The following SUN1 variants were observed in gnomAD, a reference collection of about 807,000 sequenced individuals.
SUN1 encodes Sad1 and UNC84 domain containing 1.
A neutral mutation model predicts 103.2 loss-of-function variants in SUN1; 61 were observed. The observed-to-expected ratio is 0.59, with a 90% confidence interval of 0.48 to 0.73. The LOEUF (loss-of-function observed/expected upper bound fraction) is 0.73, where lower values mean the gene tolerates loss of function less well. Among genes scored for constraint, SUN1 ranks in the 30% least tolerant of loss-of-function variants. The pLI, the probability that SUN1 is intolerant of heterozygous loss-of-function variation, is 0.00. For synonymous variants in SUN1, 490 were observed against 425.7 expected (o/e 1.15, Z -1.86); for missense variants, 1,052 against 1,034.6 (o/e 1.02, Z -0.23).
At chr7:863,110 C>G (rs1833516679) in intron 15 of SUN1, among the ~76,000 whole-genome samples, 1 of 152,124 alleles carries the variant, frequency 6.6e-6, no homozygotes, top group Non-Finnish European at 1.5e-5. Context: ...CCACTGCACT[C>G]CAGCCTGGGT....
chr7:817,330 C>A (rs1781653625), intron 1 of SUN1: 4 of 1,225,886 alleles, frequency 3.3e-6, no homozygotes, highest in Non-Finnish European at 3.5e-6. Context: ...CTCAAGCGAT[C>A]CCCTCGCCCC....
chr7:855,026 C>T lies in SUN1; in HGVS notation c.1350+20C>T, dbSNP rs748866752. 28 of 1,573,558 alleles carry T rather than the reference C, an allele frequency of 1.8e-5. No individual in the cohort carries two copies. Among genetic ancestry groups the T allele is most frequent in the East Asian group, 6.7e-5 (3 of 44,632 alleles). On this transcript the variant is annotated intron_variant, in intron 11 of 18. Transcript: ENST00000401592. Reference sequence around the variant, plus strand: ...TCTGAGGTATTTATTTTTGACCTTACGCTTTTTTAAAATAAAAAGAAAATC... The same window carrying T: ...TCTGAGGTATTTATTTTTGACCTTATGCTTTTTTAAAATAAAAAGAAAATC...
At chr7:846,959 G>A (rs1169414781) in intron 5 of SUN1, among the ~76,000 whole-genome samples, 1 of 152,212 alleles carries the variant, frequency 6.6e-6, no homozygotes, top group Non-Finnish European at 1.5e-5. Flanking sequence ...GCTGCAGTGA[G>A]CTATGATCAT....
intron 1 of SUN1, among the ~76,000 whole-genome samples, chr7:826,831 GGAGATCC>G (rs1792540051): frequency 6.6e-6 from 1 of 152,178 alleles, no homozygotes; most frequent in Non-Finnish European, 1.5e-5. Context: ...TGCCTTTGCA[GGAGATCC>G]CATTGTTCAT....
chr7:842,595 C>T (rs116702414), intron 3 of SUN1: 78 of 190,896 alleles, frequency 4.1e-4, no homozygotes, highest in African/African-American at 1.7e-3. Flanking sequence ...GAGGCACTGG[C>T]GCTCAGACTT....
In SUN1 at chr7:820,334, C is replaced by T. The variant is rs886311636; in HGVS notation, c.-74+3661C>T. On this transcript the variant is annotated intron_variant, in intron 1 of 17. Coordinates refer to the SUN1 transcript ENST00000389574. Reference sequence around the variant, plus strand: ...CCTAAGTTTTTAATACTTTCTGGTGCTATTGTAAAATGAATTGTTTTCCCA... The same window carrying T: ...CCTAAGTTTTTAATACTTTCTGGTGTTATTGTAAAATGAATTGTTTTCCCA... Among the ~76,000 whole-genome samples the T allele has an allele frequency of 3.9e-5, 6 of 152,308 alleles. No homozygotes were observed. The East Asian group carries it at 1.2e-3, about 29-fold the overall frequency.
At chr7:829,126 C>A (rs1253981874), upstream of SUN1, among the ~76,000 whole-genome samples, 1 of 152,226 alleles carries the variant, frequency 6.6e-6, no homozygotes, top group Non-Finnish European at 1.5e-5. Flanking sequence ...CAGATTCTTT[C>A]CAGGTTTTTC....
At chr7:857,981 T>G (rs761329920) in intron 13 of SUN1, 24 bp downstream of exon 13, 7 of 1,536,086 alleles carry the variant, frequency 4.6e-6, no homozygotes, top group Non-Finnish European at 5.3e-6. Flanking sequence ...ATGTTTACTT[T>G]TTGTTTTATA....
In SUN1 at chr7:832,750, T is replaced by G. The variant is rs60331338; in HGVS notation, c.77+149T>G. 653 of 678,176 alleles carry G rather than the reference T, an allele frequency of 9.6e-4. 6 individuals are homozygous for G. The African/African-American group carries it at 0.011, about 11-fold the overall frequency. The allele number at this position is 678,176 out of a possible 1,614,324, so 42.0% of individuals were successfully genotyped here. On this transcript the variant is annotated intron_variant, in intron 1 of 18. Transcript: ENST00000401592. The stretch of plus-strand genomic sequence containing the variant: ...AAATAATAAACTGTATCTTATGGCT[T>G]TAGAGGTGGTTTTTTCTTACGGCTT...
intron 2 of SUN1, among the ~76,000 whole-genome samples, chr7:839,379 G>T (rs754996950): frequency 1.3e-5 from 2 of 152,348 alleles, no homozygotes; most frequent in East Asian, 1.9e-4. Flanking sequence ...GACGATCTCC[G>T]TGTCCAGTTC....
intron 1 of SUN1, among the ~76,000 whole-genome samples, chr7:834,664 C>T (rs1452141705): frequency 1.3e-5 from 2 of 152,340 alleles, no homozygotes; most frequent in East Asian, 1.9e-4. Context: ...GTGGAGCGGC[C>T]GTTCCTGATG....
At chr7:872,341 A>G (rs1842334547) in intron 17 of SUN1, 129 bp from the exon 18 acceptor site, 1 of 728,986 alleles carries the variant, frequency 1.4e-6, no homozygotes, top group African/African-American at 1.8e-5. Context: ...CCATGGAGGA[A>G]TGACCTTCTC....
At chr7:849,625 T>A in intron 5 of SUN1, 1 of 1,512,394 alleles carries the variant, frequency 6.6e-7, no homozygotes, top group Non-Finnish European at 9.0e-7. Context: ...TTCGTTTTCC[T>A]GTGGGCGTCG....
intron 12 of SUN1, among the ~76,000 whole-genome samples, chr7:857,024 T>G (rs1159638288): frequency 6.6e-6 from 1 of 152,200 alleles, no homozygotes; most frequent in Non-Finnish European, 1.5e-5. Context: ...AGGGCGGCTT[T>G]CTTCCACACG....
At chr7:861,683 G>A (rs966267663) in intron 15 of SUN1, among the ~76,000 whole-genome samples, 2 of 152,204 alleles carry the variant, frequency 1.3e-5, no homozygotes, top group East Asian at 1.9e-4. Flanking sequence ...GGCTGGGGGT[G>A]CATGCTTGTG....
intron 17 of SUN1, among the ~76,000 whole-genome samples, chr7:871,544 C>G (rs1456423539): frequency 1.3e-5 from 2 of 152,218 alleles, no homozygotes; most frequent in African/African-American, 4.8e-5. Context: ...CCCGCCACCA[C>G]ACCTGGCTAA....
upstream of SUN1, among the ~76,000 whole-genome samples, chr7:831,420 C>T (rs964130396): frequency 2.5e-4 from 38 of 152,122 alleles, no homozygotes; most frequent in Admixed American, 5.2e-4. Flanking sequence ...TACAGGTGCC[C>T]GCCACCACGC....
intron 10 of SUN1, among the ~76,000 whole-genome samples, chr7:854,520 G>A (rs929627721): frequency 3.3e-5 from 5 of 152,258 alleles, no homozygotes; most frequent in Non-Finnish European, 2.9e-5. Flanking sequence ...GATGCAGCAC[G>A]TCCCACGATG....
At chr7:844,758 C>T (rs777298080) in intron 5 of SUN1, among the ~76,000 whole-genome samples, 15 of 152,154 alleles carry the variant, frequency 9.9e-5, no homozygotes, top group South Asian at 2.1e-4. Flanking sequence ...TGGGTGATCA[C>T]GGCAGCCCCC....
Sources: allele counts gnomAD v4.1 joint callset (sites outside exome capture counted in the v4.1 genomes callset), GRCh38; gene constraint gnomAD v4.1.1; transcripts MANE v1.5; gene names NCBI Gene and HGNC (gene_info 2026-07-23, HGNC 2026-07-21).